Variants in XXYLT1 observed in about 807,000 individuals in gnomAD.
XXYLT1 encodes UDP-xylose:alpha-xyloside alpha-1,3-xylosyltransferase.
In XXYLT1, 20 loss-of-function variants were observed where a neutral mutation model predicts 28.9. The ratio of observed to expected loss-of-function variants is 0.69; its 90% CI spans 0.49 to 1.00. The LOEUF is 1.00. XXYLT1 is among the 50% of genes least tolerant of loss of function. The pLI is 0.00. For synonymous variants in XXYLT1, 257 were observed against 253.8 expected (o/e 1.01, Z -0.12); for missense variants, 542 against 560.1 (o/e 0.97, Z 0.33).
chr3:195,123,473 G>A (rs1412653904), intron 3 of XXYLT1, among the ~76,000 whole-genome samples: 1 of 152,168 alleles, frequency 6.6e-6, no homozygotes, highest in African/African-American at 2.4e-5. Context: ...AGTCACTAAC[G>A]TCGGTGATAT....
intron 3 of XXYLT1, among the ~76,000 whole-genome samples, chr3:195,084,188 G>A (rs1004974566): frequency 2.0e-5 from 3 of 152,176 alleles, no homozygotes; most frequent in Admixed American, 6.5e-5. Flanking sequence ...GGGAAGGTCC[G>A]GCTGGTAAGG....
rs1725499617 is a variant in XXYLT1 at position 195,256,912 on chromosome 3, C to T, written c.504+13643G>A. ...CAGACCAAGCAACCTTCCCAGGGCTCTCAGGTAAGGGAGACAAGTGAAGCC... is the reference window on the plus strand; with the variant it reads ...CAGACCAAGCAACCTTCCCAGGGCTTTCAGGTAAGGGAGACAAGTGAAGCC... On this transcript the variant is annotated intron_variant, in intron 1 of 3. Transcript: ENST00000310380. The surrounding 1 kb of genome is among the most constrained non-coding windows in gnomAD (Gnocchi z 4.2). 6.6e-6 allele frequency among the ~76,000 whole-genome samples: 1 copy of T among 152,134 alleles called. No individual in the cohort carries two copies. Among genetic ancestry groups the T allele is most frequent in the South Asian group, 2.1e-4 (1 of 4,832 alleles).
intron 1 of XXYLT1, among the ~76,000 whole-genome samples, chr3:195,249,084 GACGGAATTGTAGATGCCCTATTC>G (rs1374294144): frequency 6.6e-6 from 1 of 152,182 alleles, no homozygotes; most frequent in African/African-American, 2.4e-5. Context: ...GAAACATGCA[GACGGAATTGTAGATGCCCTATTC>G]ACATCCATCG....
intron 1 of XXYLT1, among the ~76,000 whole-genome samples, chr3:195,264,588 ATATT>A (rs1350013243): frequency 6.6e-6 from 1 of 152,206 alleles, no homozygotes; most frequent in Non-Finnish European, 1.5e-5. Flanking sequence ...GACTCACTCC[ATATT>A]TATTTGTTAA....
At chr3:195,112,323 C>T (rs1038111574) in intron 3 of XXYLT1, among the ~76,000 whole-genome samples, 1 of 152,186 alleles carries the variant, frequency 6.6e-6, no homozygotes, top group Non-Finnish European at 1.5e-5. Context: ...GATCTGTCCA[C>T]ACTGATCCAC....
At chr3:195,120,998 C>T (rs1162122643) in intron 3 of XXYLT1, among the ~76,000 whole-genome samples, 1 of 152,178 alleles carries the variant, frequency 6.6e-6, no homozygotes, top group African/African-American at 2.4e-5. Flanking sequence ...GGGTGTGTGA[C>T]GTGTGTTGGA....
At chr3:195,136,012 C>A (rs1408676784) in intron 3 of XXYLT1, among the ~76,000 whole-genome samples, 1 of 152,166 alleles carries the variant, frequency 6.6e-6, no homozygotes, top group Non-Finnish European at 1.5e-5. Flanking sequence ...AAACCTACAC[C>A]ACTGAGATTT....
chr3:195,093,531 G>T (rs1396095646), intron 3 of XXYLT1, among the ~76,000 whole-genome samples: 1 of 143,986 alleles, frequency 6.9e-6, no homozygotes, highest in East Asian at 2.1e-4. Context: ...GGACTGTTGT[G>T]GGGTGGTGGG....
Position 195,134,826 on chromosome 3 carries a change from GGTGTGTGTGT to G in XXYLT1, c.785+21613_785+21622del, listed in dbSNP as rs3073321. The stretch of plus-strand genomic sequence containing the variant: ...TGGCTGGCATCATGGCGTGAAGAGG[GGTGTGTGTGT>G]GTGTGTGTGTGTGTGTGTGTGTGTG... On this transcript the variant is annotated intron_variant, in intron 3 of 3. Transcript: ENST00000310380. Among the ~76,000 whole-genome samples, 992 of 145,576 alleles carry G rather than the reference GGTGTGTGTGT, an allele frequency of 6.8e-3. 12 individuals are homozygous for G. Among genetic ancestry groups the G allele is most frequent in the African/African-American group, 0.015 (577 of 39,084 alleles).
rs35428286 is a variant in XXYLT1, at chr3:195,099,830, C to CAAAAAAAAAAAAAAAAAAA, written c.786-29738_786-29720dup. ...TGGGCGACACAGCGAGACTCTGTCT[C>CAAAAAAAAAAAAAAAAAAA]AAAAAAAAAAAAAAAAAAAAATGCA... On this transcript the variant is annotated intron_variant, in intron 3 of 3. Coordinates refer to ENST00000310380, the MANE Select transcript of XXYLT1 (RefSeq NM_152531.5). Among the ~76,000 whole-genome samples the CAAAAAAAAAAAAAAAAAAA allele has an allele frequency of 1.5e-3, 147 of 97,200 alleles. 2 individuals are homozygous for CAAAAAAAAAAAAAAAAAAA. Among genetic ancestry groups the CAAAAAAAAAAAAAAAAAAA allele is most frequent in the African/African-American group, 5.0e-3 (145 of 29,078 alleles). 63.8% of individuals were successfully genotyped at this position (97,200 alleles called of 152,430 possible).
intron 3 of XXYLT1, among the ~76,000 whole-genome samples, chr3:195,128,311 A>G (rs1427452824): frequency 6.6e-6 from 1 of 152,090 alleles, no homozygotes; most frequent in Non-Finnish European, 1.5e-5. Flanking sequence ...CAGAACCCCC[A>G]GTGCATCCTT....
chr3:195,082,235 T>C (rs1715475919), intron 3 of XXYLT1, among the ~76,000 whole-genome samples: 1 of 152,208 alleles, frequency 6.6e-6, no homozygotes, highest in African/African-American at 2.4e-5. Context: ...ACTATGCTTA[T>C]TTGCTTTTGC....
chr3:195,201,906 C>G, intron 2 of XXYLT1, among the ~76,000 whole-genome samples: 1 of 152,138 alleles, frequency 6.6e-6, no homozygotes, highest in Non-Finnish European at 1.5e-5. Context: ...GGGCCGGGCG[C>G]GGTGGCTCAC....
chr3:195,101,248 T>C (rs1220034127), intron 3 of XXYLT1, among the ~76,000 whole-genome samples: 1 of 152,274 alleles, frequency 6.6e-6, no homozygotes, highest in Non-Finnish European at 1.5e-5. Flanking sequence ...TTCGACTTAA[T>C]TGATTGGGAG....
chr3:195,109,393 C>CGT (rs368393271), intron 3 of XXYLT1, among the ~76,000 whole-genome samples: 6 of 151,174 alleles, frequency 4.0e-5, no homozygotes, highest in Non-Finnish European at 7.4e-5. Context: ...TATAAGTGTG[C>CGT]ATGTATGTGT....
chr3:195,109,921 G>T lies in XXYLT1; in HGVS notation c.786-39810C>A, dbSNP rs564670247. On this transcript the variant is annotated intron_variant, in intron 3 of 3. Coordinates refer to ENST00000310380, the MANE Select transcript of XXYLT1 (RefSeq NM_152531.5). The stretch of plus-strand genomic sequence containing the variant: ...GTGGGTGTGTGTGGTGTGTGTGGGG[G>T]TATATGTGTGTGTGGTATATGAGTG... Among the ~76,000 whole-genome samples the T allele has an allele frequency of 6.2e-3, 262 of 42,300 alleles. 59 individuals are homozygous for T. Among genetic ancestry groups the T allele is most frequent in the African/African-American group, 0.017 (250 of 14,884 alleles). 27.8% of individuals were successfully genotyped at this position (42,300 alleles called of 152,430 possible). A position where few individuals can be genotyped will look rare whatever the true frequency, so the allele number is the denominator to read the frequency against.
chr3:195,246,010 T>C (rs925763352), intron 1 of XXYLT1, among the ~76,000 whole-genome samples: 2 of 152,198 alleles, frequency 1.3e-5, no homozygotes, highest in African/African-American at 4.8e-5. Flanking sequence ...GATATCTCTT[T>C]ATAGCAACGC....
At chr3:195,109,115 T>G (rs895873702) in intron 3 of XXYLT1, among the ~76,000 whole-genome samples, 22 of 152,224 alleles carry the variant, frequency 1.4e-4, no homozygotes, top group African/African-American at 5.3e-4. Context: ...CCAGTCCCAC[T>G]ACCCCCAAAA....
At chr3:195,132,480 A>G (rs995339749) in intron 3 of XXYLT1, among the ~76,000 whole-genome samples, 1 of 152,080 alleles carries the variant, frequency 6.6e-6, no homozygotes, top group African/African-American at 2.4e-5. Flanking sequence ...AAAAAAAAAA[A>G]GAAAGAAAAT....
Sources: allele counts gnomAD v4.1 joint callset (sites outside exome capture counted in the v4.1 genomes callset), GRCh38; gene constraint gnomAD v4.1.1; non-coding constraint Gnocchi (gnomAD v3.1); transcripts MANE v1.5; gene names NCBI Gene and HGNC (gene_info 2026-07-23, HGNC 2026-07-21).